The following PLEKHA5 variants were observed in gnomAD, a reference collection of about 807,000 sequenced individuals.
PLEKHA5 encodes the protein pleckstrin homology domain containing A5.
In PLEKHA5, 55 loss-of-function variants were observed where a neutral mutation model predicts 181.9. The observed-to-expected ratio is 0.30, with a 90% CI of 0.24 to 0.38. The LOEUF is 0.38. Ranked by LOEUF, PLEKHA5 falls within the 10% of genes least tolerant of loss-of-function variation. PLEKHA5 has a pLI of 1.00. For synonymous variants in PLEKHA5, 535 were observed against 529.4 expected, an observed-to-expected ratio of 1.01 and a Z score of -0.15; for missense variants, 1,432 against 1,549.5, an observed-to-expected ratio of 0.92 and a Z score of 1.27.
At chr12:19,192,875 G>A (rs1340310069) in intron 3 of PLEKHA5, among the ~76,000 whole-genome samples, 1 of 152,168 alleles carries the variant, frequency 6.6e-6, no homozygotes, top group African/African-American at 2.4e-5. Flanking sequence ...TCGATTAGGG[G>A]TTAGTAACTG....
At chr12:19,163,264 C>T (rs533007627) in intron 3 of PLEKHA5, among the ~76,000 whole-genome samples, 55 of 151,962 alleles carry the variant, frequency 3.6e-4, no homozygotes, top group Non-Finnish European at 3.1e-4. Context: ...GCAAACTCCA[C>T]CTCCTGGGTT....
chr12:19,315,656 A>T (rs776702224), intron 16 of PLEKHA5, among the ~76,000 whole-genome samples: 3 of 152,082 alleles, frequency 2.0e-5, no homozygotes, highest in Non-Finnish European at 4.4e-5. Context: ...CCCTCAAATT[A>T]CTCTGGCGTA....
rs35536570 is a variant in PLEKHA5 at position 19,253,064 on chromosome 12, CTTTTTTTTTTT to C, written c.228-860_228-850del. 5.0e-3 allele frequency among the ~76,000 whole-genome samples: 231 copies of C among 45,886 alleles called. 5 individuals carry two copies. Among genetic ancestry groups the C allele is most frequent in the African/African-American group, 7.8e-3 (121 of 15,542 alleles). The allele number at this position is 45,886 out of a possible 152,430, so 30.1% of individuals were successfully genotyped here. A position where few individuals can be genotyped will look rare whatever the true frequency, so the allele number is the denominator to read the frequency against. ...GAGCTAAACAGCCAAATCAACTTAC[CTTTTTTTTTTT>C]TTTTTTTTTTTTTTTGGGAGACAGA... On this transcript the variant is annotated intron_variant, in intron 3 of 31. Coordinates refer to ENST00000429027, the MANE Select transcript of PLEKHA5 (RefSeq NM_001256470.2).
At chr12:19,156,225 T>TA (rs1555227377) in intron 3 of PLEKHA5, among the ~76,000 whole-genome samples, 1 of 150,880 alleles carries the variant, frequency 6.6e-6, no homozygotes, top group Non-Finnish European at 1.5e-5. Flanking sequence ...TTTTTTTTTT[T>TA]CTCCTCAGGG....
At chr12:19,202,604 GT>G (rs35673850) in intron 3 of PLEKHA5, among the ~76,000 whole-genome samples, 127,562 of 151,984 alleles carry the variant, frequency 0.84, 54,969 homozygotes, top group Non-Finnish European at 0.95. Flanking sequence ...AGATTGCAGT[GT>G]TAAGACTCAG....
intron 3 of PLEKHA5, among the ~76,000 whole-genome samples, chr12:19,193,329 C>A (rs2051711036): frequency 6.6e-6 from 1 of 151,950 alleles, no homozygotes; most frequent in South Asian, 2.1e-4. Flanking sequence ...TTCAGTAGAC[C>A]CCATGTTGGG....
intron 15 of PLEKHA5, 60 bp downstream of exon 15, chr12:19,291,757 C>A: frequency 2.3e-6 from 2 of 859,632 alleles, no homozygotes; most frequent in South Asian, 3.3e-5. Flanking sequence ...AAATATAATA[C>A]AGTTTTTCAG....
chr12:19,266,583 A>C (rs1168974351), intron 8 of PLEKHA5, among the ~76,000 whole-genome samples: 1 of 152,106 alleles, frequency 6.6e-6, no homozygotes, highest in Admixed American at 6.6e-5. Context: ...CAGGAGTTCA[A>C]GACCAGCCTG....
chr12:19,193,710 G>T (rs997236248), intron 3 of PLEKHA5, among the ~76,000 whole-genome samples: 1 of 152,012 alleles, frequency 6.6e-6, no homozygotes, highest in Non-Finnish European at 1.5e-5. Context: ...CCTGTATTAG[G>T]CCATTCTTGC....
intron 2 of PLEKHA5, 57 bp from the exon 3 acceptor site, chr12:19,132,336 G>T: frequency 2.4e-6 from 2 of 845,588 alleles, no homozygotes; most frequent in South Asian, 2.9e-5. Context: ...AAAATGGATT[G>T]AGACTTATTT....
At chr12:19,231,832 T>C (rs2060671988) in intron 3 of PLEKHA5, among the ~76,000 whole-genome samples, 1 of 151,998 alleles carries the variant, frequency 6.6e-6, no homozygotes, top group Non-Finnish European at 1.5e-5. Flanking sequence ...ATACTCTGAC[T>C]GGAAATTTTT....
chr12:19,211,616 T>C (rs1472287608), intron 3 of PLEKHA5, among the ~76,000 whole-genome samples: 1 of 152,162 alleles, frequency 6.6e-6, no homozygotes, highest in Admixed American at 6.5e-5. Context: ...AAAATAAATT[T>C]CTATTTTAAG....
intron 3 of PLEKHA5, among the ~76,000 whole-genome samples, chr12:19,196,798 T>C (rs1447293900): frequency 8.5e-6 from 1 of 117,696 alleles, no homozygotes; most frequent in Admixed American, 1.1e-4. Flanking sequence ...TAACTTGTTT[T>C]TTCTTTTTTT....
At chr12:19,363,340 T>A (rs895811568) in intron 29 of PLEKHA5, among the ~76,000 whole-genome samples, 1 of 151,656 alleles carries the variant, frequency 6.6e-6, no homozygotes, top group African/African-American at 2.4e-5. Flanking sequence ...TTATTTTTTT[T>A]TTTATTTTTA....
intron 20 of PLEKHA5, among the ~76,000 whole-genome samples, chr12:19,335,175 G>A (rs115032644): frequency 1.3e-5 from 2 of 150,258 alleles, no homozygotes; most frequent in South Asian, 2.1e-4. Context: ...GGGACCACAG[G>A]CAAGCGCCAC....
intron 3 of PLEKHA5, among the ~76,000 whole-genome samples, chr12:19,212,918 A>G (rs1397375060): frequency 6.6e-6 from 1 of 151,860 alleles, no homozygotes; most frequent in African/African-American, 2.4e-5. Context: ...TGTAACTCCA[A>G]AATTCTTAAT....
intron 3 of PLEKHA5, among the ~76,000 whole-genome samples, chr12:19,205,642 G>A (rs1592060155): frequency 6.6e-6 from 1 of 151,970 alleles, no homozygotes; most frequent in East Asian, 1.9e-4. Flanking sequence ...ACATTTCTGA[G>A]GTGACAAGTT....
chr12:19,186,624 G>C (rs2049922501), intron 3 of PLEKHA5, among the ~76,000 whole-genome samples: 1 of 152,152 alleles, frequency 6.6e-6, no homozygotes, highest in African/African-American at 2.4e-5. Flanking sequence ...ATTGAGTCCA[G>C]TCTACATTCC....
intron 29 of PLEKHA5, among the ~76,000 whole-genome samples, chr12:19,365,295 A>G (rs2153274953): frequency 6.6e-6 from 1 of 150,750 alleles, no homozygotes; most frequent in East Asian, 2.0e-4. Context: ...AGAACCTGGG[A>G]GGTGAGCTTG....
Sources: allele counts gnomAD v4.1 joint callset (sites outside exome capture counted in the v4.1 genomes callset), GRCh38; gene constraint gnomAD v4.1.1; transcripts MANE v1.5; gene names NCBI Gene and HGNC (gene_info 2026-07-23, HGNC 2026-07-21).